Variants in XKR9 observed in about 807,000 individuals in gnomAD.
The protein encoded by XKR9 is XK related 9, also known as XK-related protein 9.
XKR9 carries 32 observed loss-of-function variants against 32.0 expected under a neutral mutation model. The observed-to-expected ratio is 1.00, with a 90% CI of 0.76 to 1.34. XKR9 has a LOEUF of 1.34. Ranked by LOEUF, XKR9 falls within the 40% of genes most tolerant of loss-of-function variation. The pLI is 0.00. For missense variants in XKR9, 546 were observed against 429.7 expected (o/e 1.27, Z -2.39); for synonymous variants, 168 against 143.4 (o/e 1.17, Z -1.22).
chr8:71,033,039 G>A, the XKR9 span, among the ~76,000 whole-genome samples: 48,987 of 150,860 alleles, frequency 0.32, 8,378 homozygotes, highest in East Asian at 0.65. Context: ...AGCCGAGATC[G>A]TGCCATTGCA....
chr8:70,989,892 A>G, the XKR9 span, among the ~76,000 whole-genome samples: 1 of 152,180 alleles, frequency 6.6e-6, no homozygotes, highest in East Asian at 1.9e-4. Context: ...TGCTTCTATG[A>G]ATCTGCCTAC....
At chr8:70,724,106 G>A (rs565273646) in intron 4 of XKR9, among the ~76,000 whole-genome samples, 89 of 152,134 alleles carry the variant, frequency 5.9e-4, no homozygotes, top group African/African-American at 2.1e-3. Flanking sequence ...ATCTAGAGAG[G>A]CACTCTGGCC....
chr8:71,022,058 C>T, the XKR9 span, among the ~76,000 whole-genome samples: 2 of 152,212 alleles, frequency 1.3e-5, no homozygotes. Context: ...ATATGGCTAG[C>T]CAGCTATCCC....
downstream of XKR9, among the ~76,000 whole-genome samples, chr8:70,736,518 T>C (rs1303563501): frequency 1.3e-5 from 2 of 152,230 alleles, no homozygotes; most frequent in Non-Finnish European, 2.9e-5. Context: ...TTGCTTTTGG[T>C]GTTTTAGACA....
At chr8:70,856,386 A>G in the XKR9 span, among the ~76,000 whole-genome samples, 1 of 152,222 alleles carries the variant, frequency 6.6e-6, no homozygotes, top group South Asian at 2.1e-4. Context: ...AGGCCATTAC[A>G]TAATGGTAAA....
At chr8:71,044,939 T>C in the XKR9 span, among the ~76,000 whole-genome samples, 1 of 152,220 alleles carries the variant, frequency 6.6e-6, no homozygotes, top group African/African-American at 2.4e-5. Context: ...GCTAGAAATA[T>C]GTAACCTGAA....
intron 3 of XKR9, among the ~76,000 whole-genome samples, chr8:70,684,732 A>C (rs906441160): frequency 4.1e-5 from 6 of 146,896 alleles, no homozygotes; most frequent in African/African-American, 1.5e-4. Flanking sequence ...CAGCCAAAAA[A>C]CACATGAAAA....
chr8:70,697,766 T>C (rs1403970921), intron 3 of XKR9, among the ~76,000 whole-genome samples: 4 of 151,772 alleles, frequency 2.6e-5, no homozygotes. Context: ...ATGGTACCAG[T>C]TCCTCCTTGT....
the XKR9 span, among the ~76,000 whole-genome samples, chr8:71,011,347 A>T: frequency 6.6e-6 from 1 of 152,202 alleles, no homozygotes; most frequent in South Asian, 2.1e-4. Context: ...GGCATCTCTC[A>T]TGCTTCAGCT....
At chr8:70,916,125 C>A in the XKR9 span, among the ~76,000 whole-genome samples, 1 of 152,132 alleles carries the variant, frequency 6.6e-6, no homozygotes, top group Admixed American at 6.6e-5. Flanking sequence ...CATTCATTTC[C>A]CATGAAAATC....
intron 2 of XKR9, among the ~76,000 whole-genome samples, chr8:70,677,607 C>T (rs1207416130): frequency 6.6e-6 from 1 of 152,162 alleles, no homozygotes; most frequent in Non-Finnish European, 1.5e-5. Flanking sequence ...ACTCACACAG[C>T]TATAAATGTT....
At chr8:70,736,825 A>G (rs1333739512), downstream of XKR9, among the ~76,000 whole-genome samples, 1 of 151,034 alleles carries the variant, frequency 6.6e-6, no homozygotes, top group Non-Finnish European at 1.5e-5. Flanking sequence ...CCATTGATCT[A>G]TATCTCTGTT....
intron 2 of XKR9, among the ~76,000 whole-genome samples, chr8:70,746,294 T>G (rs1317194262): frequency 1.3e-5 from 2 of 148,966 alleles, no homozygotes; most frequent in Non-Finnish European, 3.0e-5. Context: ...TTCTCATTCT[T>G]TAGTGTGCAT....
At chr8:70,672,757 T>C (rs144570580) in intron 1 of XKR9, among the ~76,000 whole-genome samples, 257 of 152,176 alleles carry the variant, frequency 1.7e-3, no homozygotes, top group Non-Finnish European at 2.6e-3. Flanking sequence ...ACAGCTATTC[T>C]AACTGGGGTA....
At chr8:70,820,930 T>G in the XKR9 span, among the ~76,000 whole-genome samples, 3 of 152,244 alleles carry the variant, frequency 2.0e-5, no homozygotes, top group East Asian at 1.9e-4. Context: ...CTCCCAAATC[T>G]CATGTCCCTT....
the XKR9 span, among the ~76,000 whole-genome samples, chr8:71,010,265 A>G: frequency 6.6e-6 from 1 of 152,186 alleles, no homozygotes; most frequent in Non-Finnish European, 1.5e-5. Context: ...GGCCAAGGGA[A>G]GCTACTCCAC....
the XKR9 span, among the ~76,000 whole-genome samples, chr8:70,820,194 A>C: frequency 2.8e-3 from 423 of 152,326 alleles, 5 homozygotes; most frequent in African/African-American, 9.7e-3. Flanking sequence ...TAAGGATAGT[A>C]AGAGACACAG....
chr8:70,743,001 A>T (rs190437678), intron 2 of XKR9, among the ~76,000 whole-genome samples: 3 of 151,566 alleles, frequency 2.0e-5, no homozygotes, highest in Non-Finnish European at 2.9e-5. Context: ...TATTATTCTC[A>T]TGGTTTTTCT....
chr8:70,840,187 C>G, the XKR9 span, among the ~76,000 whole-genome samples: 1 of 152,146 alleles, frequency 6.6e-6, no homozygotes, highest in South Asian at 2.1e-4. Context: ...TGGCCTTGGC[C>G]TAGTGGTAGG....
Sources: allele counts gnomAD v4.1 joint callset (sites outside exome capture counted in the v4.1 genomes callset), GRCh38; gene constraint gnomAD v4.1.1; transcripts MANE v1.5; gene names NCBI Gene and HGNC (gene_info 2026-07-23, HGNC 2026-07-21).